IL24: variants seen among roughly 807,000 people sequenced by gnomAD.
IL24 encodes the protein interleukin 24, also known as interleukin-24.
Under a neutral mutation model 27.6 loss-of-function variants are expected in IL24, and 24 were observed. That is an observed-to-expected ratio of 0.87 (90% CI 0.63 to 1.22). The LOEUF (loss-of-function observed/expected upper bound fraction) is 1.22, where lower values mean the gene tolerates loss of function less well. Ranked by LOEUF, IL24 falls within the 50% of genes most tolerant of loss-of-function variation. The probability of loss-of-function intolerance (pLI) is 0.00; values close to 1 mark genes in which losing one functional copy is unlikely to be tolerated. For missense variants in IL24, 240 were observed against 237.0 expected (o/e 1.01, Z -0.08); for synonymous variants, 99 against 93.1 (o/e 1.06, Z -0.36).
chr1:206,897,723 T>C lies in IL24; in HGVS notation c.-102-8T>C. ...AGCAGAAGTCAATTTTTTTGAGTGT[T>C]GATGTAGGGACAAGACATGACTGTG... On this transcript the variant is annotated splice_region_variant and splice_polypyrimidine_tract_variant and intron_variant, in intron 1 of 6. Transcript: ENST00000294984. 1 of 1,120,676 alleles carries C rather than the reference T, an allele frequency of 8.9e-7. No homozygotes were observed. Among genetic ancestry groups the C allele is most frequent in the Non-Finnish European group, 1.3e-6 (1 of 756,298 alleles). The allele number at this position is 1,120,676 out of a possible 1,614,324, so 69.4% of individuals were successfully genotyped here.
Position 206,899,305 on chromosome 1 carries a change from C to G in IL24, c.45-15C>G, listed in dbSNP as rs1678283909. ...GAGGGCCGGCCTCACAGGCTGCCTC[C>G]CTTTCTTTCAGCAGACCCTTCTGCC... On this transcript the variant is annotated splice_polypyrimidine_tract_variant and intron_variant, in intron 2 of 6. Coordinates refer to ENST00000294984, the MANE Select transcript of IL24 (RefSeq NM_006850.3). 1.9e-6 allele frequency: 3 copies of G among 1,611,654 alleles called. No homozygotes were observed. The highest frequency in any genetic ancestry group is 2.5e-6 in the Non-Finnish European group (3 of 1,179,052).
chr1:206,903,179 T>C lies in IL24; in HGVS notation c.*120T>C. 2.4e-6 allele frequency: 2 copies of C among 826,658 alleles called. No homozygotes were observed. The highest frequency in any genetic ancestry group is 3.0e-5 in the South Asian group (2 of 65,976). The allele number at this position is 826,658 out of a possible 1,614,324, so 51.2% of individuals were successfully genotyped here. On this transcript the variant is annotated 3_prime_UTR_variant, in exon 7 of 7. Transcript: ENST00000294984. Reference sequence around the variant, plus strand: ...ACGCCCTTGGCCATGGGTCCCATTCTTGGCCCAGGATTATTGTCAAAGAAG... The same window carrying C: ...ACGCCCTTGGCCATGGGTCCCATTCCTGGCCCAGGATTATTGTCAAAGAAG...
In IL24 at chr1:206,897,623, T is replaced by G; in HGVS notation, c.-103+8T>G. ...TCACTTACAGGACCAGAGGTGAGCA[T>G]GGGGGATTCTTGGTTACTTTTTTTT... On this transcript the variant is annotated splice_region_variant and intron_variant, in intron 1 of 6. Coordinates refer to ENST00000294984, the MANE Select transcript of IL24 (RefSeq NM_006850.3). 11 of 439,472 alleles carry G rather than the reference T, an allele frequency of 2.5e-5. No homozygotes were observed. The highest frequency in any genetic ancestry group is 2.1e-5 in the African/African-American group (1 of 48,556). 27.2% of individuals were successfully genotyped at this position (439,472 alleles called of 1,614,324 possible).
chr1:206,900,157 T>G (rs1456089324), intron 3 of IL24, 138 bp from the exon 4 acceptor site: 1 of 766,786 alleles, frequency 1.3e-6, no homozygotes, highest in Non-Finnish European at 2.2e-6. Flanking sequence ...CCTTCCTGGG[T>G]CCTCTTTTGG....
At chr1:206,899,705 C>G (rs958354571) in intron 3 of IL24, among the ~76,000 whole-genome samples, 190 bp downstream of exon 3, 1 of 152,134 alleles carries the variant, frequency 6.6e-6, no homozygotes, top group Non-Finnish European at 1.5e-5. Context: ...GAAATTGGGG[C>G]TCAGAAAAAA....
chr1:206,900,461 C>G (rs1352342467), intron 4 of IL24, 104 bp downstream of exon 4: 1 of 1,000,084 alleles, frequency 1.0e-6, no homozygotes, highest in East Asian at 2.4e-5. Flanking sequence ...CACTTCTTCC[C>G]TGGACTGACC....
intron 6 of IL24, chr1:206,902,397 C>CACCCCA (rs1678426642): frequency 5.7e-6 from 1 of 175,076 alleles, no homozygotes; most frequent in Admixed American, 7.3e-5. Flanking sequence ...GGAGACACCC[C>CACCCCA]ACCCCCACCC....
In IL24 at chr1:206,901,671, G is replaced by A. The variant is rs1307605677; in HGVS notation, c.462+19G>A. On this transcript the variant is annotated intron_variant, in intron 5 of 6. Transcript: ENST00000294984. ...ACCCAGTGTGAGTAGCACACGCTCT[G>A]GATACTGGCAGCTCTGGGTTCAAGT... 13 of 1,604,384 alleles carry A rather than the reference G, an allele frequency of 8.1e-6. No individual in the cohort carries two copies. The highest frequency in any genetic ancestry group is 1.0e-5 in the Non-Finnish European group (12 of 1,172,734).
chr1:206,901,715 T>C, intron 5 of IL24, 63 bp downstream of exon 5: 3 of 1,436,558 alleles, frequency 2.1e-6, no homozygotes, highest in East Asian at 4.6e-5. Flanking sequence ...GCTTCCAATC[T>C]GCTGGGTGAC....
At chr1:206,902,566 C>T (rs994093530) in intron 6 of IL24, 3 of 873,456 alleles carry the variant, frequency 3.4e-6, no homozygotes, top group Non-Finnish European at 4.1e-6. Context: ...ATTTCGATCA[C>T]TTTTTTTTTT....
intron 6 of IL24, chr1:206,902,490 T>C: frequency 1.0e-6 from 1 of 984,082 alleles, no homozygotes; most frequent in South Asian, 4.7e-5. Context: ...TTATTTTTGC[T>C]TTTCCAAAAT....
chr1:206,902,884 T>C lies in IL24; in HGVS notation c.538-92T>C, dbSNP rs559128100. 9.7e-5 allele frequency: 155 copies of C among 1,601,468 alleles called. 4 individuals are homozygous for C. The South Asian group carries it at 1.6e-3, about 16-fold the overall frequency. On this transcript the variant is annotated intron_variant, in intron 6 of 6. Transcript: ENST00000294984. The stretch of plus-strand genomic sequence containing the variant: ...TCCCAAAGGTGACCCATCCCTTGGA[T>C]TGGAGTCAGGTCTATTTTAGGCATG...
intron 6 of IL24, chr1:206,902,404 AC>A: frequency 1.4e-5 from 1 of 70,696 alleles, no homozygotes; most frequent in Non-Finnish European, 2.3e-5. Flanking sequence ...CCCCACCCCC[AC>A]CCCCACCCCA....
chr1:206,900,741 T>C (rs1481463843), intron 4 of IL24, among the ~76,000 whole-genome samples: 2 of 151,928 alleles, frequency 1.3e-5, no homozygotes, highest in Non-Finnish European at 2.9e-5. Flanking sequence ...CTTTGATGTC[T>C]CATAGACTGG....
At chr1:206,899,887 T>C (rs1334914516) in intron 3 of IL24, among the ~76,000 whole-genome samples, 1 of 152,122 alleles carries the variant, frequency 6.6e-6, no homozygotes, top group African/African-American at 2.4e-5. Context: ...GGGTGCAGGC[T>C]GTCCTCCCTC....
At chr1:206,901,396 G>A (rs1449784045) in intron 4 of IL24, 98 bp from the exon 5 acceptor site, 3 of 1,341,342 alleles carry the variant, frequency 2.2e-6, no homozygotes, top group East Asian at 2.5e-5. Flanking sequence ...CCCTATCTCT[G>A]CTGTGCTTAT....
intron 2 of IL24, among the ~76,000 whole-genome samples, chr1:206,898,171 A>C (rs1392894967): frequency 1.8e-5 from 1 of 55,420 alleles, no homozygotes. Context: ...TGTCAAAAAA[A>C]AAAAAAAAAA....
intron 3 of IL24, 55 bp downstream of exon 3, chr1:206,899,570 C>A: frequency 7.1e-7 from 1 of 1,407,950 alleles, no homozygotes; most frequent in South Asian, 1.4e-5. Context: ...GGCAGTGGGC[C>A]AGTGGGGCGA....
At position 206,903,197 on chromosome 1, in the gene IL24, C is replaced by T; in HGVS notation, c.*138C>T. The T allele has an allele frequency of 1.4e-6, 1 of 718,768 alleles. No homozygotes were observed. Among genetic ancestry groups the T allele is most frequent in the Non-Finnish European group, 2.4e-6 (1 of 411,740 alleles). The allele number at this position is 718,768 out of a possible 1,614,324, so 44.5% of individuals were successfully genotyped here. ...CCCATTCTTGGCCCAGGATTATTGT[C>T]AAAGAAGTCATTCTTTAAGCAGCGC... On this transcript the variant is annotated 3_prime_UTR_variant, in exon 7 of 7. Transcript: ENST00000294984.
Sources: allele counts gnomAD v4.1 joint callset (sites outside exome capture counted in the v4.1 genomes callset), GRCh38; gene constraint gnomAD v4.1.1; transcripts MANE v1.5; gene names NCBI Gene and HGNC (gene_info 2026-07-23, HGNC 2026-07-21).